The following RTTN variants were observed in gnomAD, a reference collection of about 807,000 sequenced individuals.
The protein encoded by RTTN is rotatin.
A neutral mutation model predicts 269.2 loss-of-function variants in RTTN; 182 were observed. The observed-to-expected ratio is 0.68, with a 90% CI of 0.60 to 0.76. The LOEUF (loss-of-function observed/expected upper bound fraction) is 0.76. RTTN is among the 30% of genes least tolerant of loss of function. RTTN has a pLI of 0.00. For synonymous variants in RTTN, 1,006 were observed against 963.5 expected, an observed-to-expected ratio of 1.04 and a Z score of -0.82; for missense variants, 2,545 against 2,608.6, an observed-to-expected ratio of 0.98 and a Z score of 0.53.
At chr18:70,075,594 C>T in intron 32 of RTTN, 53 bp from the exon 33 acceptor site, 6 of 1,402,312 alleles carry the variant, frequency 4.3e-6, no homozygotes, top group Non-Finnish European at 5.7e-6. Context: ...CAACAATTTC[C>T]TTAAAAAGAT....
intron 28 of RTTN, among the ~76,000 whole-genome samples, chr18:70,098,718 T>C (rs1228165527): frequency 6.6e-6 from 1 of 152,196 alleles, no homozygotes; most frequent in African/African-American, 2.4e-5. Context: ...TATGTATACA[T>C]GTGCCATGTT....
chr18:70,096,376 G>A (rs1190596313), intron 28 of RTTN, among the ~76,000 whole-genome samples: 1 of 152,182 alleles, frequency 6.6e-6, no homozygotes, highest in Admixed American at 6.5e-5. Context: ...AGGAAAAGAG[G>A]CATTCTGGTT....
At chr18:70,151,019 G>A (rs2060523578) in intron 14 of RTTN, among the ~76,000 whole-genome samples, 1 of 151,218 alleles carries the variant, frequency 6.6e-6, no homozygotes, top group Admixed American at 6.6e-5. Flanking sequence ...CAGACACAAA[G>A]GACATAAACA....
chr18:70,102,334 C>T (rs149054517), intron 28 of RTTN, among the ~76,000 whole-genome samples: 3,184 of 152,232 alleles, frequency 0.021, 48 homozygotes, highest in Middle Eastern at 0.037. Flanking sequence ...TATGTAATGG[C>T]CTTGTCTCTT....
rs374886350 is a variant in RTTN at position 70,020,611 on chromosome 18, G to A, written c.6153+4C>T. 81 of 1,610,428 alleles carry A rather than the reference G, an allele frequency of 5.0e-5. No homozygotes were observed. Among genetic ancestry groups the A allele is most frequent in the Non-Finnish European group, 6.0e-5 (71 of 1,177,260 alleles). ...TAAGATATGTGGGGAGTTTAAGTGC[G>A]TACCTTCTGAATTACTCCTTTACAG... On this transcript the variant is annotated splice_donor_region_variant and intron_variant, in intron 45 of 48. Coordinates refer to ENST00000640769, the MANE Select transcript of RTTN (RefSeq NM_173630.4).
At chr18:70,193,612 A>G (rs2061733886) in intron 7 of RTTN, among the ~76,000 whole-genome samples, 159 bp from the exon 8 acceptor site, 1 of 152,228 alleles carries the variant, frequency 6.6e-6, no homozygotes, top group East Asian at 1.9e-4. Context: ...CTTTTCTATA[A>G]GTATTCACTT....
chr18:70,139,575 A>G, intron 21 of RTTN, 24 bp downstream of exon 21: 1 of 1,345,958 alleles, frequency 7.4e-7, no homozygotes, highest in Non-Finnish European at 1.1e-6. Context: ...CAATCTAATT[A>G]TTAGCAGATT....
rs1306963370 is a variant in RTTN, at chr18:70,193,340, T to G, written c.955A>C (p.Thr319Pro). The G allele has an allele frequency of 5.0e-6, 8 of 1,610,882 alleles. No homozygotes were observed. Among genetic ancestry groups the G allele is most frequent in the Non-Finnish European group, 6.8e-6 (8 of 1,178,588 alleles). ...CCATCTCCTCTGGGTCGCTGGCCTG[T>G]GCGCCCAACCACAGAAGGCCGAGGG... Reference protein sequence around the residue: ...SSPRPSVVGRTGQRPRGDGQD... With the variant: ...SSPRPSVVGRPGQRPRGDGQD... The change falls in exon 8 of 49, where the codon ACA (threonine) becomes CCA (proline). Residue 319 changes from threonine to proline, a missense_variant. By Grantham distance (38) the Thr-to-Pro change is conservative (BLOSUM62 -1). Transcript: ENST00000640769.
At chr18:70,178,140 T>C (rs992315610) in intron 10 of RTTN, among the ~76,000 whole-genome samples, 6 of 151,968 alleles carry the variant, frequency 3.9e-5, no homozygotes, top group South Asian at 2.1e-4. Context: ...CCCAGCAGGA[T>C]TGAACTTGAA....
At chr18:70,201,565 A>G (rs169509) in intron 4 of RTTN, among the ~76,000 whole-genome samples, 140,399 of 141,250 alleles carry the variant, frequency 0.99, 69,780 homozygotes, top group East Asian at 1. Flanking sequence ...CCGAGATCCC[A>G]CCACTGCACT....
At chr18:70,120,285 T>C (rs1431965102) in intron 26 of RTTN, among the ~76,000 whole-genome samples, 2 of 152,084 alleles carry the variant, frequency 1.3e-5, no homozygotes, top group Non-Finnish European at 2.9e-5. Flanking sequence ...CTGGACTTCC[T>C]GCACCCCATA....
intron 8 of RTTN, 146 bp downstream of exon 8, chr18:70,193,142 G>A (rs2061719235): frequency 2.9e-6 from 2 of 696,686 alleles, no homozygotes; most frequent in East Asian, 3.1e-5. Context: ...TGAAGCCAGG[G>A]TTTAACACAA....
chr18:70,167,139 A>G (rs1044252491), intron 12 of RTTN, 108 bp from the exon 13 acceptor site: 2 of 704,758 alleles, frequency 2.8e-6, no homozygotes, highest in Non-Finnish European at 4.8e-6. Context: ...AGACCATGAG[A>G]CTGTTTACAT....
chr18:70,131,213 T>A (rs2059990523), intron 23 of RTTN: 1 of 145,656 alleles, frequency 6.9e-6, no homozygotes, highest in Non-Finnish European at 1.5e-5. Flanking sequence ...AATAAAAAAC[T>A]CTTAAAAAAA....
At chr18:70,194,730 G>C (rs2061761173) in intron 7 of RTTN, 1 of 152,202 alleles carries the variant, frequency 6.6e-6, no homozygotes, top group Non-Finnish European at 1.5e-5. Context: ...CCTCTTAGAT[G>C]AGGTACCTAG....
chr18:70,160,074 C>T (rs1001717000), intron 14 of RTTN, among the ~76,000 whole-genome samples: 1 of 152,128 alleles, frequency 6.6e-6, no homozygotes, highest in Admixed American at 6.6e-5. Context: ...TCCTCCCTAA[C>T]TCATTCTATG....
chr18:70,065,723 T>C (rs2058114872), intron 35 of RTTN, 106 bp downstream of exon 35: 2 of 611,886 alleles, frequency 3.3e-6, no homozygotes, highest in Non-Finnish European at 5.7e-6. Flanking sequence ...GTCTACAACT[T>C]ATTTCATTAA....
At chr18:70,184,715 TTTGTG>T (rs1318386752) in intron 10 of RTTN, among the ~76,000 whole-genome samples, 21 of 76,062 alleles carry the variant, frequency 2.8e-4, no homozygotes, top group Admixed American at 1.6e-3. Flanking sequence ...TTTTTTTTTT[TTTGTG>T]TGTGTGTGTG....
chr18:70,026,755 A>G (rs1352923609), intron 43 of RTTN, among the ~76,000 whole-genome samples: 2 of 152,010 alleles, frequency 1.3e-5, no homozygotes, highest in East Asian at 1.9e-4. Flanking sequence ...CTTGGTTTTC[A>G]TTACATACTT....
Sources: gnomAD v4.1 joint callset for allele counts (sites outside exome capture counted in the v4.1 genomes callset) on GRCh38, gnomAD v4.1.1 for gene constraint, MANE v1.5 for transcripts, NCBI Gene and HGNC (gene_info 2026-07-23, HGNC 2026-07-21) for gene names.